HS6ST2: variants seen among roughly 807,000 people sequenced by gnomAD.
HS6ST2 encodes the protein heparan-sulfate 6-O-sulfotransferase 2.
In HS6ST2, 17 loss-of-function variants were observed where a neutral mutation model predicts 33.0. The observed-to-expected ratio is 0.52, with a 90% CI of 0.35 to 0.77. The LOEUF is 0.77. Ranked by LOEUF, HS6ST2 falls within the 30% of genes least tolerant of loss-of-function variation. The pLI, the probability that HS6ST2 is intolerant of heterozygous loss-of-function variation, is 0.01. For synonymous variants in HS6ST2, 248 were observed against 237.1 expected (o/e 1.05, Z -0.42); for missense variants, 519 against 551.7 (o/e 0.94, Z 0.59).
chrX:132,767,416 G>A (rs1280570042), intron 2 of HS6ST2, among the ~76,000 whole-genome samples: 2 of 111,630 alleles, frequency 1.8e-5, no homozygotes, highest in African/African-American at 3.3e-5. Flanking sequence ...AAGAGGTCTC[G>A]CTGTTTTGCC....
At chrX:132,890,734 G>A (rs1406193257) in intron 2 of HS6ST2, among the ~76,000 whole-genome samples, 2 of 111,148 alleles carry the variant, frequency 1.8e-5, no homozygotes, top group Admixed American at 9.5e-5. Context: ...ATTGCTGGCT[G>A]AGGGTGCTAC....
intron 4 of HS6ST2, among the ~76,000 whole-genome samples, chrX:132,662,081 C>T (rs1005670053): frequency 1.8e-5 from 2 of 111,534 alleles, no homozygotes; most frequent in East Asian, 5.6e-4. Flanking sequence ...GCTGGCATAA[C>T]GATAAACATA....
chrX:132,687,867 G>A (rs942010703), intron 3 of HS6ST2, among the ~76,000 whole-genome samples: 1 of 111,049 alleles, frequency 9.0e-6, no homozygotes, highest in African/African-American at 3.3e-5. Flanking sequence ...TCCTGCCTCA[G>A]CCTCCCCAGT....
chrX:132,917,369 C>T (rs1355230903), intron 2 of HS6ST2, among the ~76,000 whole-genome samples: 8 of 111,424 alleles, frequency 7.2e-5, no homozygotes, highest in South Asian at 3.9e-4. Context: ...AAGGCTGAGG[C>T]GGGCGGATCA....
intron 4 of HS6ST2, among the ~76,000 whole-genome samples, chrX:132,649,856 TAAAA>T (rs754644654): frequency 1.1e-5 from 1 of 87,536 alleles, no homozygotes; most frequent in Non-Finnish European, 2.3e-5. Flanking sequence ...AGACTCTATC[TAAAA>T]AAAAAAAAAA....
intron 3 of HS6ST2, among the ~76,000 whole-genome samples, chrX:132,694,116 C>T (rs1206539216): frequency 1.8e-5 from 2 of 111,639 alleles, no homozygotes; most frequent in East Asian, 5.6e-4. Flanking sequence ...GGGTACTAGA[C>T]AGACAAAAAT....
intron 2 of HS6ST2, among the ~76,000 whole-genome samples, chrX:132,935,398 T>G (rs1362424694): frequency 9.0e-6 from 1 of 111,660 alleles, no homozygotes; most frequent in Non-Finnish European, 1.9e-5. Context: ...GGTCTTACTC[T>G]GTCACCTAGG....
At chrX:132,892,404 G>A (rs1179944908) in intron 2 of HS6ST2, among the ~76,000 whole-genome samples, 3 of 111,949 alleles carry the variant, frequency 2.7e-5, no homozygotes, top group African/African-American at 9.7e-5. Flanking sequence ...ATCAGAATCT[G>A]CATTTCCCAA....
intron 2 of HS6ST2, 68 bp from the exon 3 acceptor site, chrX:132,708,562 G>A: frequency 1.1e-6 from 1 of 947,291 alleles, no homozygotes; most frequent in South Asian, 2.1e-5. Context: ...AATAATAAAA[G>A]TTTTCCATTG....
At chrX:132,925,867 A>C (rs1436930213) in intron 2 of HS6ST2, among the ~76,000 whole-genome samples, 1 of 111,948 alleles carries the variant, frequency 8.9e-6, no homozygotes, top group Admixed American at 9.5e-5. Flanking sequence ...TCACTTACAT[A>C]CAGTATTTGG....
chrX:132,797,949 G>A (rs781722121), intron 2 of HS6ST2, among the ~76,000 whole-genome samples: 2 of 105,350 alleles, frequency 1.9e-5, no homozygotes, highest in Non-Finnish European at 3.9e-5. Context: ...GGAGGTGGAG[G>A]TTGCAGTGAG....
At chrX:132,723,158 C>T (rs1354537102) in intron 2 of HS6ST2, among the ~76,000 whole-genome samples, 1 of 111,417 alleles carries the variant, frequency 9.0e-6, no homozygotes, top group Non-Finnish European at 1.9e-5. Context: ...AGACCAATAG[C>T]AAGTCATGAG....
rs150257601 is a variant in HS6ST2, at chrX:132,761,032, G to A, written c.948-52538C>T. ...GGCATTGTTTTCTGGGATAAGATAT[G>A]GGTGAAAAAAAATCACTTTTTGCCT... is the stretch of plus-strand genomic sequence containing the variant. On this transcript the variant is annotated intron_variant, in intron 2 of 4. Transcript: ENST00000370833. 1.8e-3 allele frequency among the ~76,000 whole-genome samples: 195 copies of A among 111,180 alleles called. 5 individuals are homozygous for A. In the East Asian group the frequency reaches 0.048, roughly 27 times the overall value.
At position 132,627,188 on chromosome X, in the gene HS6ST2, A is replaced by G. The variant is rs1006042737; in HGVS notation, c.*1035T>C. On this transcript the variant is annotated 3_prime_UTR_variant, in exon 5 of 5. Transcript: ENST00000370833. ...GTTAAATTCTATCTGATCAAGAATA[A>G]CTTCAGCAATATTTTTAGACACATT... is the stretch of plus-strand genomic sequence containing the variant. 3 of 112,743 alleles carry G rather than the reference A, an allele frequency of 2.7e-5. No individual in the cohort carries two copies. Among genetic ancestry groups the G allele is most frequent in the Admixed American group, 1.9e-4 (2 of 10,594 alleles). The allele number at this position is 112,743 out of a possible 1,213,427, so 9.3% of individuals were successfully genotyped here.
intron 4 of HS6ST2, among the ~76,000 whole-genome samples, chrX:132,654,602 T>A (rs1398487552): frequency 8.9e-6 from 1 of 112,516 alleles, no homozygotes; most frequent in African/African-American, 3.2e-5. Context: ...CCATTTTTTT[T>A]AGAACTTTTT....
intron 2 of HS6ST2, among the ~76,000 whole-genome samples, chrX:132,896,622 G>C (rs1190799727): frequency 9.0e-6 from 1 of 111,543 alleles, no homozygotes; most frequent in African/African-American, 3.3e-5. Flanking sequence ...TGAGGGGATG[G>C]ATACCCCATT....
rs1205863404 is a variant in HS6ST2 at position 132,661,779 on chromosome X, C to T, written c.1067+7334G>A. 9.0e-5 allele frequency among the ~76,000 whole-genome samples: 10 copies of T among 111,722 alleles called. No homozygotes were observed. The Admixed American group carries it at 9.5e-4, about 11-fold the overall frequency. On this transcript the variant is annotated intron_variant, in intron 4 of 4. Coordinates refer to ENST00000370833, the MANE Select transcript of HS6ST2 (RefSeq NM_001394073.1). ...GGAAGAATGGTTGGGTGCATTGGCT[C>T]ACACCTGTAATCCCACCACTTTAGG...
At chrX:132,915,317 C>T (rs1478491036) in intron 2 of HS6ST2, among the ~76,000 whole-genome samples, 1 of 112,620 alleles carries the variant, frequency 8.9e-6, no homozygotes, top group Non-Finnish European at 1.9e-5. Flanking sequence ...CACGGGGTTT[C>T]TGGGATATCA....
At chrX:132,930,012 C>T (rs2066749335) in intron 2 of HS6ST2, among the ~76,000 whole-genome samples, 1 of 111,516 alleles carries the variant, frequency 9.0e-6, no homozygotes, top group Non-Finnish European at 1.9e-5. Flanking sequence ...GCTCCTTTGT[C>T]CCCATGAGCC....
Sources: gnomAD v4.1 joint callset for allele counts (sites outside exome capture counted in the v4.1 genomes callset) on GRCh38, gnomAD v4.1.1 for gene constraint, MANE v1.5 for transcripts, NCBI Gene and HGNC (gene_info 2026-07-23, HGNC 2026-07-21) for gene names.